Variants in AKAP6 observed in about 807,000 individuals in gnomAD.
The protein encoded by AKAP6 is A-kinase anchoring protein 6.
A neutral mutation model predicts 188.5 loss-of-function variants in AKAP6; 58 were observed. That is an observed-to-expected ratio of 0.31 (90% CI 0.25 to 0.38). AKAP6 has a LOEUF of 0.38. Ranked by LOEUF, AKAP6 falls within the 10% of genes least tolerant of loss-of-function variation. The probability of loss-of-function intolerance (pLI) is 1.00; values close to 1 mark genes in which losing one functional copy is unlikely to be tolerated. For synonymous variants in AKAP6, 989 were observed against 998.6 expected, an observed-to-expected ratio of 0.99 and a Z score of 0.18; for missense variants, 2,710 against 2,740.0, an observed-to-expected ratio of 0.99 and a Z score of 0.24.
chr14:32,815,006 G>A (rs993887235), intron 12 of AKAP6, among the ~76,000 whole-genome samples: 1 of 152,174 alleles, frequency 6.6e-6, no homozygotes, highest in African/African-American at 2.4e-5. Flanking sequence ...TTTATTTATG[G>A]GAAGAAAACC....
At chr14:32,404,708 A>ATATATATATATATATATATATATATATC in intron 1 of AKAP6, among the ~76,000 whole-genome samples, 1 of 134,914 alleles carries the variant, frequency 7.4e-6, no homozygotes, top group Admixed American at 7.5e-5. Flanking sequence ...ATATATATAT[A>ATATATATATATATATATATATATATATC]TATTAGTCAG....
intron 1 of AKAP6, among the ~76,000 whole-genome samples, chr14:32,331,616 G>A (rs1886538549): frequency 6.6e-6 from 1 of 152,094 alleles, no homozygotes; most frequent in African/African-American, 2.4e-5. Context: ...GCTGCTCTCT[G>A]ATTAGCTGCA....
intron 4 of AKAP6, among the ~76,000 whole-genome samples, chr14:32,560,334 A>G (rs545815358): frequency 1.3e-5 from 2 of 152,144 alleles, no homozygotes; most frequent in East Asian, 3.9e-4. Flanking sequence ...GTCCAGAAGA[A>G]CCGTAGGGAT....
At position 32,701,555 on chromosome 14, in the gene AKAP6, C is replaced by T. The variant is rs890527349; in HGVS notation, c.3000+5445C>T. Among the ~76,000 whole-genome samples the T allele has an allele frequency of 2.6e-5, 4 of 151,394 alleles. No homozygotes were observed. In the East Asian group the frequency reaches 5.8e-4, roughly 22 times the overall value. On this transcript the variant is annotated intron_variant, in intron 9 of 13. Coordinates refer to ENST00000280979, the MANE Select transcript of AKAP6 (RefSeq NM_004274.5). Reference sequence around the variant, plus strand: ...CCATAATAATTATTAAATATAAATACGTGTGGAATAGAATTAGAAATTCTG... The same window carrying T: ...CCATAATAATTATTAAATATAAATATGTGTGGAATAGAATTAGAAATTCTG...
At chr14:32,717,192 A>G (rs1306443354) in intron 9 of AKAP6, among the ~76,000 whole-genome samples, 1 of 152,128 alleles carries the variant, frequency 6.6e-6, no homozygotes, top group Non-Finnish European at 1.5e-5. Flanking sequence ...TGGTACTCAC[A>G]TCTTCTTGAA....
chr14:32,542,841 A>G (rs1211812714), intron 3 of AKAP6, among the ~76,000 whole-genome samples: 1 of 152,220 alleles, frequency 6.6e-6, no homozygotes, highest in African/African-American at 2.4e-5. Context: ...GTCTTCAGTC[A>G]TATACTTGGA....
At chr14:32,596,053 TA>T (rs1315928340) in intron 5 of AKAP6, among the ~76,000 whole-genome samples, 4 of 152,136 alleles carry the variant, frequency 2.6e-5, no homozygotes, top group Admixed American at 2.0e-4. Flanking sequence ...ATCACAAGAC[TA>T]ATGGAACTCA....
chr14:32,542,388 A>G (rs1482600895), intron 3 of AKAP6, among the ~76,000 whole-genome samples: 1 of 152,216 alleles, frequency 6.6e-6, no homozygotes, highest in Admixed American at 6.5e-5. Context: ...TACCCTGGTA[A>G]GACAACCATT....
chr14:32,454,988 C>G (rs568908807), intron 2 of AKAP6, among the ~76,000 whole-genome samples: 3 of 146,672 alleles, frequency 2.0e-5, no homozygotes, highest in Admixed American at 6.9e-5. Flanking sequence ...TCCTTTCATT[C>G]TGGGTCTTGC....
chr14:32,825,427 A>G (rs1341060377), intron 13 of AKAP6, among the ~76,000 whole-genome samples: 1 of 152,236 alleles, frequency 6.6e-6, no homozygotes, highest in Non-Finnish European at 1.5e-5. Flanking sequence ...TTATCCACAT[A>G]CAGATTGAGA....
chr14:32,592,492 A>G (rs145622956), intron 5 of AKAP6, among the ~76,000 whole-genome samples: 1 of 152,298 alleles, frequency 6.6e-6, no homozygotes, highest in Non-Finnish European at 1.5e-5. Flanking sequence ...AGTGCCAGCC[A>G]GAGTAGAATC....
At chr14:32,714,340 G>A (rs1337973060) in intron 9 of AKAP6, among the ~76,000 whole-genome samples, 1 of 152,030 alleles carries the variant, frequency 6.6e-6, no homozygotes, top group African/African-American at 2.4e-5. Context: ...TGGAAAAATT[G>A]TGCCAATAGC....
rs71115071 is a variant in AKAP6 at position 32,453,575 on chromosome 14, C to CTTTTTTTTTTTTTTT, written c.324+19783_324+19797dup. Reference sequence around the variant, plus strand: ...GTGGAGATAATAGAATTTTTCTTTTCTTTTTTTTTTTTTTTTTTTTTTTTT... The same window carrying CTTTTTTTTTTTTTTT: ...GTGGAGATAATAGAATTTTTCTTTTCTTTTTTTTTTTTTTTTTTTTTTTTTTTTTTTTTTTTTTTT... On this transcript the variant is annotated intron_variant, in intron 2 of 13. Coordinates refer to ENST00000280979, the MANE Select transcript of AKAP6 (RefSeq NM_004274.5). Among the ~76,000 whole-genome samples the CTTTTTTTTTTTTTTT allele has an allele frequency of 6.9e-4, 66 of 95,346 alleles. 12 individuals carry two copies. The highest frequency in any genetic ancestry group is 1.2e-3 in the Non-Finnish European group (54 of 46,566). The allele number at this position is 95,346 out of a possible 152,430, so 62.6% of individuals were successfully genotyped here.
At chr14:32,449,610 A>G (rs1890872080) in intron 2 of AKAP6, among the ~76,000 whole-genome samples, 1 of 152,092 alleles carries the variant, frequency 6.6e-6, no homozygotes, top group African/African-American at 2.4e-5. Flanking sequence ...CTGGTCCCAT[A>G]AAGAGGGAAG....
chr14:32,559,152 C>T (rs771609486), intron 4 of AKAP6, among the ~76,000 whole-genome samples: 3 of 152,112 alleles, frequency 2.0e-5, no homozygotes, highest in South Asian at 2.1e-4. Context: ...AGTAAGTGAA[C>T]GTATCATTGA....
At chr14:32,383,725 C>T (rs1279589504) in intron 1 of AKAP6, among the ~76,000 whole-genome samples, 1 of 152,174 alleles carries the variant, frequency 6.6e-6, no homozygotes. Flanking sequence ...TTGGGCCTCT[C>T]CTTGTGGGAG....
intron 7 of AKAP6, among the ~76,000 whole-genome samples, chr14:32,640,218 A>G (rs1887696239): frequency 6.6e-6 from 1 of 152,130 alleles, no homozygotes; most frequent in Admixed American, 6.5e-5. Context: ...CCTAATCAGG[A>G]TTAGCTTTAT....
At chr14:32,676,658 C>G (rs1229923322) in intron 7 of AKAP6, among the ~76,000 whole-genome samples, 2 of 152,180 alleles carry the variant, frequency 1.3e-5, no homozygotes, top group Admixed American at 1.3e-4. Context: ...CATGAACCAA[C>G]AAATAGATTG....
intron 9 of AKAP6, among the ~76,000 whole-genome samples, chr14:32,714,955 C>T (rs967418228): frequency 2.0e-5 from 3 of 151,894 alleles, no homozygotes; most frequent in African/African-American, 4.8e-5. Context: ...AACAGACTCA[C>T]GTTTGAATTC....
Sources: gnomAD v4.1 joint callset for allele counts (sites outside exome capture counted in the v4.1 genomes callset) on GRCh38, gnomAD v4.1.1 for gene constraint, MANE v1.5 for transcripts, NCBI Gene and HGNC (gene_info 2026-07-23, HGNC 2026-07-21) for gene names.